The following UFL1 variants were observed in gnomAD, a reference collection of about 807,000 sequenced individuals.
UFL1 encodes E3 UFM1-protein ligase 1.
UFL1 carries 78 observed loss-of-function variants against 99.3 expected under a neutral mutation model. The ratio of observed to expected loss-of-function variants is 0.79; its 90% CI spans 0.65 to 0.95. The LOEUF (loss-of-function observed/expected upper bound fraction) is 0.95, where lower values mean the gene tolerates loss of function less well. UFL1 is among the 40% of genes least tolerant of loss of function. UFL1 has a pLI of 0.00. For synonymous variants in UFL1, 335 were observed against 322.2 expected (o/e 1.04, Z -0.42); for missense variants, 936 against 937.0 (o/e 1.00, Z 0.01).
intron 4 of UFL1, 96 bp downstream of exon 4, chr6:96,525,490 A>G: frequency 2.3e-6 from 2 of 869,610 alleles, no homozygotes; most frequent in Non-Finnish European, 3.7e-6. Flanking sequence ...CCAGTTAGAC[A>G]TTTCATTTAT....
intron 11 of UFL1, among the ~76,000 whole-genome samples, chr6:96,541,841 G>T (rs1769935761): frequency 6.6e-6 from 1 of 151,078 alleles, no homozygotes; most frequent in Non-Finnish European, 1.5e-5. Flanking sequence ...TGTCAATCAT[G>T]AATGTTCCCC....
At position 96,534,254 on chromosome 6, in the gene UFL1, T is replaced by C; in HGVS notation, c.597-9T>C. 6.6e-7 allele frequency: 1 copy of C among 1,519,540 alleles called. No homozygotes were observed. The highest frequency in any genetic ancestry group is 8.8e-7 in the Non-Finnish European group (1 of 1,141,096). 94.1% of individuals were successfully genotyped at this position (1,519,540 alleles called of 1,614,324 possible). On this transcript the variant is annotated splice_polypyrimidine_tract_variant and intron_variant, in intron 6 of 18. Transcript: ENST00000369278. ...TAAGAAGTTTTTTTTTTTTTAACTT[T>C]CCATAAAGGCCTACAGCTGTGAATT... is the stretch of plus-strand genomic sequence containing the variant.
intron 8 of UFL1, among the ~76,000 whole-genome samples, chr6:96,536,998 C>T (rs984423283): frequency 2.0e-5 from 3 of 151,232 alleles, no homozygotes; most frequent in Admixed American, 1.3e-4. Context: ...GATATATATA[C>T]ACACATATAT....
chr6:96,548,780 G>A lies in UFL1; in HGVS notation c.1520+499G>A, dbSNP rs1037706396. On this transcript the variant is annotated intron_variant, in intron 13 of 18. Coordinates refer to ENST00000369278, the MANE Select transcript of UFL1 (RefSeq NM_015323.5). Reference sequence around the variant, plus strand: ...TTTATATAAAAATGAAGAAAATTATGTATAACTTGACCATTAGTAACTAAC... The same window carrying A: ...TTTATATAAAAATGAAGAAAATTATATATAACTTGACCATTAGTAACTAAC... Among the ~76,000 whole-genome samples, 9 of 151,758 alleles carry A rather than the reference G, an allele frequency of 5.9e-5. No homozygotes were observed. The South Asian group carries it at 1.7e-3, about 28-fold the overall frequency.
At chr6:96,528,368 A>C in intron 5 of UFL1, 134 bp from the exon 6 acceptor site, 2 of 1,065,354 alleles carry the variant, frequency 1.9e-6, no homozygotes, top group Non-Finnish European at 2.6e-6. Flanking sequence ...ATATCTTGTA[A>C]TCTATGCTTG....
rs1474502901 is a variant in UFL1, at chr6:96,555,025, T to TAGAAG, written c.*1526_*1530dup. Reference sequence around the variant, plus strand: ...GTGTCAAATGATCATAGAAAATAAATAGAAGAGACAGTGAAGCAAGTAAAA... The same window carrying TAGAAG: ...GTGTCAAATGATCATAGAAAATAAATAGAAGAGAAGAGACAGTGAAGCAAGTAAAA... On this transcript the variant is annotated 3_prime_UTR_variant, in exon 19 of 19. Transcript: ENST00000369278. The TAGAAG allele has an allele frequency of 2.6e-5, 4 of 152,582 alleles. No homozygotes were observed. Among genetic ancestry groups the TAGAAG allele is most frequent in the African/African-American group, 7.2e-5 (3 of 41,464 alleles). 9.5% of individuals were successfully genotyped at this position (152,582 alleles called of 1,614,324 possible). A position where few individuals can be genotyped will look rare whatever the true frequency, so the allele number is the denominator to read the frequency against.
chr6:96,526,263 G>A (rs1182622263), intron 4 of UFL1, 58 bp from the exon 5 acceptor site: 3 of 1,434,794 alleles, frequency 2.1e-6, no homozygotes, highest in Non-Finnish European at 2.9e-6. Flanking sequence ...ATAAAATGAG[G>A]AAACAGAAAA....
At chr6:96,548,733 C>T (rs546978422) in intron 13 of UFL1, among the ~76,000 whole-genome samples, 2 of 151,622 alleles carry the variant, frequency 1.3e-5, no homozygotes, top group East Asian at 3.9e-4. Flanking sequence ...GCACTCCTAC[C>T]TTATGAATGG....
In UFL1 at chr6:96,538,775, C is replaced by G; in HGVS notation, c.1123C>G (p.Leu375Val). 6.2e-7 allele frequency: 1 copy of G among 1,609,920 alleles called. No individual in the cohort carries two copies. The highest frequency in any genetic ancestry group is 8.5e-7 in the Non-Finnish European group (1 of 1,177,428). ...SEKFINDCTE[L>V]FRELMHQKAE... ...AAAATTTATAAATGACTGTACAGAA[C>G]TGTTCCGTGAGCTGATGCACCAGAA... Residue 375 changes from leucine to valine, a missense_variant, in exon 10 of 19, where the codon CTG becomes GTG. Leu to Val is a conservative substitution (Grantham distance 32). Coordinates refer to ENST00000369278, the MANE Select transcript of UFL1 (RefSeq NM_015323.5).
Position 96,549,677 on chromosome 6 carries a change from C to T in UFL1, c.1696C>T (p.Gln566Ter), listed in dbSNP as rs768491916. The T allele has an allele frequency of 6.2e-7, 1 of 1,608,780 alleles. No individual in the cohort carries two copies. Among genetic ancestry groups the T allele is most frequent in the African/African-American group, 1.3e-5 (1 of 74,546 alleles). ...GGTCCTTTATTTTCCAGATGACACA[C>T]AGGCTGCTCTTACCAAACACTTGCT... ...KGMKFFADDT[Q>*]AALTKHLLKS... is the part of the protein sequence containing the mutation. Residue 566 changes from glutamine to a stop codon, truncating the protein, a stop_gained, in exon 15 of 19, where the codon CAG (glutamine) becomes TAG (stop). Transcript: ENST00000369278. LOFTEE classifies it high-confidence loss of function.
At chr6:96,526,242 G>T in intron 4 of UFL1, 79 bp from the exon 5 acceptor site, 1 of 1,227,738 alleles carries the variant, frequency 8.1e-7, no homozygotes, top group South Asian at 1.4e-5. Context: ...TCATTTCAAC[G>T]GAAATTAAAC....
At chr6:96,543,738 G>A (rs1769962991) in intron 12 of UFL1, among the ~76,000 whole-genome samples, 1 of 150,986 alleles carries the variant, frequency 6.6e-6, no homozygotes, top group Admixed American at 6.6e-5. Flanking sequence ...CTGATTCAGA[G>A]TTAGAAAGTG....
At position 96,522,814 on chromosome 6, in the gene UFL1, G is replaced by GT. The variant is rs374778971; in HGVS notation, c.78-326dup. ...GGCATTTTTTGTTTTGTTTTGTTTT[G>GT]TTTTTTCTTTTTTCCTACCTAAATA... On this transcript the variant is annotated intron_variant, in intron 1 of 18. Transcript: ENST00000369278. The GT allele has an allele frequency of 2.7e-3, 469 of 173,324 alleles. 1 individual carries two copies. Among genetic ancestry groups the GT allele is most frequent in the African/African-American group, 0.011 (447 of 42,424 alleles). 10.7% of individuals were successfully genotyped at this position (173,324 alleles called of 1,614,324 possible). A position where few individuals can be genotyped will look rare whatever the true frequency, so the allele number is the denominator to read the frequency against.
At position 96,538,779 on chromosome 6, in the gene UFL1, TC is replaced by T. The variant is rs757217801; in HGVS notation, c.1129del (p.Arg377ValfsTer3). The T allele has an allele frequency of 1.9e-6, 3 of 1,607,704 alleles. No homozygotes were observed. Among genetic ancestry groups the T allele is most frequent in the Non-Finnish European group, 2.6e-6 (3 of 1,176,226 alleles). ...EKFINDCTEL[F>X]RELMHQKAEK... ...TTTATAAATGACTGTACAGAACTGTTCCGTGAGCTGATGCACCAGAAAGCTG... is the reference window on the plus strand; with the variant it reads ...TTTATAAATGACTGTACAGAACTGTTCGTGAGCTGATGCACCAGAAAGCTG... On this transcript the variant is annotated frameshift_variant, in exon 10 of 19. Transcript: ENST00000369278. LOFTEE classifies it high-confidence loss of function.
intron 6 of UFL1, among the ~76,000 whole-genome samples, chr6:96,533,918 A>G (rs1177777358): frequency 6.6e-6 from 1 of 151,866 alleles, no homozygotes; most frequent in Non-Finnish European, 1.5e-5. Context: ...AAATGGAATC[A>G]TATGACATCC....
intron 12 of UFL1, among the ~76,000 whole-genome samples, chr6:96,546,440 C>T (rs1357727166): frequency 6.6e-6 from 1 of 151,354 alleles, no homozygotes; most frequent in African/African-American, 2.4e-5. Context: ...GACCATACTC[C>T]CCAGAGCAGT....
rs1022819244 is a variant in UFL1 at position 96,534,140 on chromosome 6, T to G, written c.597-123T>G. 1.9e-5 allele frequency: 11 copies of G among 581,324 alleles called. No individual in the cohort carries two copies. The Middle Eastern group carries it at 1.6e-3, about 82-fold the overall frequency. The allele number at this position is 581,324 out of a possible 1,614,324, so 36.0% of individuals were successfully genotyped here. On this transcript the variant is annotated intron_variant, in intron 6 of 18. Coordinates refer to ENST00000369278, the MANE Select transcript of UFL1 (RefSeq NM_015323.5). ...TAAGGATTTAAAATTTGGTGTAATT[T>G]TTGACTTTATTTTTTCTTTTAAACA...
At chr6:96,528,457 ATTCTT>A (rs1431031935) in intron 5 of UFL1, 40 bp from the exon 6 acceptor site, 3 of 1,596,350 alleles carry the variant, frequency 1.9e-6, no homozygotes, top group East Asian at 2.2e-5. Context: ...CATATGTGTA[ATTCTT>A]TTCTTTTAAA....
intron 15 of UFL1, among the ~76,000 whole-genome samples, chr6:96,551,146 A>G (rs1189566393): frequency 6.6e-6 from 1 of 151,896 alleles, no homozygotes; most frequent in Admixed American, 6.6e-5. Context: ...ACTCTAATGG[A>G]AGAATTAGCC....
Sources: allele counts gnomAD v4.1 joint callset (sites outside exome capture counted in the v4.1 genomes callset), GRCh38; gene constraint gnomAD v4.1.1; transcripts MANE v1.5; gene names NCBI Gene and HGNC (gene_info 2026-07-23, HGNC 2026-07-21).